TFPI: variants seen among roughly 807,000 people sequenced by gnomAD.
The protein encoded by TFPI is anti-convertin.
TFPI carries 15 observed loss-of-function variants against 34.6 expected under a neutral mutation model. The ratio of observed to expected loss-of-function variants is 0.43; its 90% confidence interval spans 0.29 to 0.67. The LOEUF (loss-of-function observed/expected upper bound fraction) is 0.67. TFPI is among the 30% of genes least tolerant of loss of function. TFPI has a pLI of 0.15. For synonymous variants in TFPI, 105 were observed against 120.1 expected (o/e 0.87, Z 0.82); for missense variants, 301 against 364.0 (o/e 0.83, Z 1.41).
intron 7 of TFPI, among the ~76,000 whole-genome samples, 159 bp downstream of exon 7, chr2:187,467,594 C>A (rs1691787686): frequency 6.6e-6 from 1 of 151,974 alleles, no homozygotes; most frequent in Non-Finnish European, 1.5e-5. Flanking sequence ...AGTTACATAT[C>A]TAGCAATATT....
At chr2:187,518,546 A>G (rs1030983704) in intron 1 of TFPI, 7 of 152,164 alleles carry the variant, frequency 4.6e-5, no homozygotes, top group African/African-American at 1.7e-4. Context: ...GGGTAACCCA[A>G]CCTTTCCCTC....
chr2:187,477,637 CAAG>C (rs1231570299), intron 6 of TFPI, among the ~76,000 whole-genome samples: 1 of 152,104 alleles, frequency 6.6e-6, no homozygotes, highest in Non-Finnish European at 1.5e-5. Flanking sequence ...GAGATAATAA[CAAG>C]GAGATAATAA....
At chr2:187,501,657 T>G (rs926397491) in intron 2 of TFPI, among the ~76,000 whole-genome samples, 3 of 152,120 alleles carry the variant, frequency 2.0e-5, no homozygotes, top group African/African-American at 7.2e-5. Flanking sequence ...AAGTTTAACT[T>G]ATTCAGTCTC....
chr2:187,532,174 G>A (rs993776299), intron 1 of TFPI, among the ~76,000 whole-genome samples: 1 of 152,180 alleles, frequency 6.6e-6, no homozygotes, highest in African/African-American at 2.4e-5. Context: ...ATAAGTGTGT[G>A]TATATGTGTG....
chr2:187,482,752 T>G (rs954954580), intron 6 of TFPI, among the ~76,000 whole-genome samples: 7 of 151,902 alleles, frequency 4.6e-5, no homozygotes, highest in South Asian at 4.2e-4. Context: ...TTCTCACACA[T>G]TAATCCTCAT....
At chr2:187,537,438 A>G (rs1220538404) in intron 1 of TFPI, among the ~76,000 whole-genome samples, 1 of 152,180 alleles carries the variant, frequency 6.6e-6, no homozygotes, top group African/African-American at 2.4e-5. Flanking sequence ...AACGCCACAC[A>G]TCTACATCCA....
At chr2:187,545,513 C>A (rs1688811505) in intron 1 of TFPI, among the ~76,000 whole-genome samples, 1 of 152,120 alleles carries the variant, frequency 6.6e-6, no homozygotes, top group South Asian at 2.1e-4. Flanking sequence ...CAGAGTCTTA[C>A]ATTTACATAT....
chr2:187,503,693 G>C lies in TFPI; in HGVS notation c.76C>G (p.Leu26Val), dbSNP rs941697231. Residue 26 changes from leucine (L) to valine (V), a missense_variant, in exon 2 of 8, where the codon CTT (leucine) becomes GTT (valine). Leu to Val is a conservative substitution (Grantham distance 32, BLOSUM62 1). Coordinates refer to ENST00000233156, the MANE Select transcript of TFPI (RefSeq NM_006287.6). ...CLLLNLAPAP[L>V]NADSEEDEEH... ...TCATCTTCCTCAGAATCAGCATTAA[G>C]AGGGGCAGGGGCAAGATTAAGCAGC... The C allele has an allele frequency of 2.5e-6, 4 of 1,613,096 alleles. No individual in the cohort carries two copies. Among genetic ancestry groups the C allele is most frequent in the Middle Eastern group, 1.6e-4 (1 of 6,082 alleles).
chr2:187,540,153 T>C (rs1688498336), intron 1 of TFPI, among the ~76,000 whole-genome samples: 1 of 152,134 alleles, frequency 6.6e-6, no homozygotes, highest in Non-Finnish European at 1.5e-5. Context: ...TCCACCTGCC[T>C]TGGCCTCCCA....
At chr2:187,534,593 C>T (rs909489764) in intron 1 of TFPI, among the ~76,000 whole-genome samples, 3 of 152,228 alleles carry the variant, frequency 2.0e-5, no homozygotes, top group Non-Finnish European at 2.9e-5. Context: ...AAGAAACAAT[C>T]GGTACCAGCC....
chr2:187,489,402 A>G (rs1165774565), intron 3 of TFPI, among the ~76,000 whole-genome samples: 1 of 140,204 alleles, frequency 7.1e-6, no homozygotes, highest in Non-Finnish European at 1.6e-5. Context: ...GTGTGTGTAT[A>G]TGTATAGCTG....
intron 1 of TFPI, among the ~76,000 whole-genome samples, chr2:187,553,256 T>A (rs1425349711): frequency 6.6e-6 from 1 of 152,070 alleles, no homozygotes; most frequent in Non-Finnish European, 1.5e-5. Context: ...CTGGGCAGTA[T>A]GTTTCCTGCT....
intron 6 of TFPI, 27 bp from the exon 7 acceptor site, chr2:187,467,959 A>G (rs1691806450): frequency 6.5e-7 from 1 of 1,537,790 alleles, no homozygotes; most frequent in Non-Finnish European, 8.7e-7. Context: ...AAACATGGTA[A>G]GCCATATGTG....
intron 1 of TFPI, chr2:187,544,363 T>C (rs922954696): frequency 6.6e-6 from 1 of 152,204 alleles, no homozygotes; most frequent in African/African-American, 2.4e-5. Flanking sequence ...ATTACACTTA[T>C]AATTTTAAAG....
intron 6 of TFPI, chr2:187,478,852 G>GT: frequency 2.0e-6 from 3 of 1,469,398 alleles, no homozygotes; most frequent in Non-Finnish European, 2.8e-6. Flanking sequence ...ATCTTTATAT[G>GT]TTTAACACTG....
chr2:187,521,600 ACT>A (rs988855783), intron 1 of TFPI, among the ~76,000 whole-genome samples: 1 of 151,768 alleles, frequency 6.6e-6, no homozygotes, highest in Non-Finnish European at 1.5e-5. Context: ...ACAGAGTCTC[ACT>A]CTGTCACCCA....
At chr2:187,511,495 G>A (rs1686632030) in intron 1 of TFPI, among the ~76,000 whole-genome samples, 2 of 152,114 alleles carry the variant, frequency 1.3e-5, no homozygotes, top group South Asian at 4.1e-4. Context: ...CATGGGTCAG[G>A]CACAAAGTAA....
intron 1 of TFPI, among the ~76,000 whole-genome samples, chr2:187,552,516 G>C (rs1689132838): frequency 6.6e-6 from 1 of 151,934 alleles, no homozygotes; most frequent in Admixed American, 6.6e-5. Flanking sequence ...AGTCAAAATA[G>C]TTGTACAATC....
intron 1 of TFPI, among the ~76,000 whole-genome samples, chr2:187,538,817 A>T (rs1688409305): frequency 1.3e-5 from 2 of 152,200 alleles, no homozygotes; most frequent in African/African-American, 4.8e-5. Flanking sequence ...TTAAAAATTT[A>T]TGTTACCATT....
Sources: gnomAD v4.1 joint callset for allele counts (sites outside exome capture counted in the v4.1 genomes callset) on GRCh38, gnomAD v4.1.1 for gene constraint, MANE v1.5 for transcripts, NCBI Gene and HGNC (gene_info 2026-07-23, HGNC 2026-07-21) for gene names.